The following PEX5L variants were observed in gnomAD, a reference collection of about 807,000 sequenced individuals.
PEX5L encodes PEX5-related protein.
PEX5L carries 30 observed loss-of-function variants against 84.0 expected under a neutral mutation model. That is an observed-to-expected ratio of 0.36 (90% confidence interval 0.27 to 0.48). PEX5L has a LOEUF of 0.48. PEX5L is among the 20% of genes least tolerant of loss of function. PEX5L has a pLI of 0.99. For missense variants in PEX5L, 533 were observed against 754.6 expected, an observed-to-expected ratio of 0.71 and a Z score of 3.44; for synonymous variants, 270 against 283.1, an observed-to-expected ratio of 0.95 and a Z score of 0.46.
intron 5 of PEX5L, among the ~76,000 whole-genome samples, chr3:179,878,210 C>G (rs554174733): frequency 6.6e-6 from 1 of 152,320 alleles, no homozygotes; most frequent in South Asian, 2.1e-4. Flanking sequence ...TTGGCATGTT[C>G]TACATGTCCC....
At chr3:179,859,704 C>T (rs1019356098) in intron 7 of PEX5L, among the ~76,000 whole-genome samples, 10 of 152,198 alleles carry the variant, frequency 6.6e-5, no homozygotes, top group African/African-American at 1.9e-4. Flanking sequence ...TGTCTTATGT[C>T]TCATTTCTTA....
At chr3:179,995,171 A>C (rs546506177) in intron 1 of PEX5L, among the ~76,000 whole-genome samples, 47 of 147,834 alleles carry the variant, frequency 3.2e-4, no homozygotes, top group African/African-American at 1.1e-3. Context: ...TATACTATAT[A>C]TGTATATACA....
At chr3:179,999,525 T>TA (rs1279772665) in intron 1 of PEX5L, among the ~76,000 whole-genome samples, 5 of 152,292 alleles carry the variant, frequency 3.3e-5, no homozygotes, top group Non-Finnish European at 7.4e-5. Flanking sequence ...GAGCTCTCAA[T>TA]ATGGCACCAT....
intron 2 of PEX5L, among the ~76,000 whole-genome samples, chr3:179,902,256 T>C (rs1450979047): frequency 3.3e-5 from 5 of 152,178 alleles, no homozygotes; most frequent in African/African-American, 1.2e-4. Flanking sequence ...AGACCTGTTT[T>C]CCAGGCTTTT....
At chr3:179,861,238 C>A (rs888603474) in intron 7 of PEX5L, among the ~76,000 whole-genome samples, 2 of 152,144 alleles carry the variant, frequency 1.3e-5, no homozygotes, top group Non-Finnish European at 2.9e-5. Flanking sequence ...TGAATAGATG[C>A]GTGAATGAAT....
At chr3:179,924,221 C>T (rs138865587) in intron 2 of PEX5L, among the ~76,000 whole-genome samples, 1 of 152,216 alleles carries the variant, frequency 6.6e-6, no homozygotes, top group African/African-American at 2.4e-5. Flanking sequence ...TCAGCTGATA[C>T]CTGTCTCCTT....
At chr3:179,991,318 A>G (rs1463022265) in intron 1 of PEX5L, among the ~76,000 whole-genome samples, 3 of 152,212 alleles carry the variant, frequency 2.0e-5, no homozygotes, top group African/African-American at 4.8e-5. Flanking sequence ...TTTTACAAGC[A>G]TAGTCGCAAG....
intron 2 of PEX5L, among the ~76,000 whole-genome samples, chr3:179,927,280 T>C (rs116022367): frequency 2.0e-5 from 3 of 152,054 alleles, no homozygotes; most frequent in Non-Finnish European, 4.4e-5. Context: ...TGACTAAGTG[T>C]AGGCTCTCAG....
intron 2 of PEX5L, among the ~76,000 whole-genome samples, chr3:179,948,690 C>T (rs1212646552): frequency 6.6e-6 from 1 of 152,144 alleles, no homozygotes; most frequent in Non-Finnish European, 1.5e-5. Flanking sequence ...TTCACTTCTA[C>T]CCAATCCCCA....
At chr3:179,935,695 C>T (rs1051408374) in intron 2 of PEX5L, among the ~76,000 whole-genome samples, 2 of 152,070 alleles carry the variant, frequency 1.3e-5, no homozygotes, top group East Asian at 1.9e-4. Context: ...CCAAAACTCA[C>T]GTTGGAACCT....
chr3:179,801,625 CTT>C lies in PEX5L; in HGVS notation c.*201_*202del, dbSNP rs1718874831. On this transcript the variant is annotated 3_prime_UTR_variant, in exon 15 of 15. Transcript: ENST00000467460. ...CTCTTAATTCTTCTTTTGAGCCTGA[CTT>C]TGACTCTATATACAACATTTTGTGC... The C allele has an allele frequency of 3.6e-6, 2 of 553,068 alleles. No homozygotes were observed. Among genetic ancestry groups the C allele is most frequent in the Middle Eastern group, 4.7e-4 (1 of 2,134 alleles). 34.3% of individuals were successfully genotyped at this position (553,068 alleles called of 1,614,324 possible).
intron 2 of PEX5L, among the ~76,000 whole-genome samples, chr3:179,921,011 C>T (rs954318239): frequency 6.6e-6 from 1 of 152,058 alleles, no homozygotes; most frequent in East Asian, 1.9e-4. Flanking sequence ...GGACACTGAA[C>T]CCTAATCAAT....
At chr3:179,811,968 G>A (rs1724063149) in intron 10 of PEX5L, 97 bp from the exon 11 acceptor site, 1 of 911,788 alleles carries the variant, frequency 1.1e-6, no homozygotes, top group East Asian at 2.4e-5. Context: ...CCTATGCAGA[G>A]CAAGCTGTCT....
At chr3:180,027,851 GA>G (rs1301019048) in intron 1 of PEX5L, among the ~76,000 whole-genome samples, 1 of 151,964 alleles carries the variant, frequency 6.6e-6, no homozygotes, top group Non-Finnish European at 1.5e-5. Flanking sequence ...TGATATTTTG[GA>G]AAAACACAAT....
intron 9 of PEX5L, among the ~76,000 whole-genome samples, chr3:179,817,410 A>T (rs775183411): frequency 1.3e-5 from 2 of 152,184 alleles, no homozygotes; most frequent in Non-Finnish European, 2.9e-5. Flanking sequence ...TCCCCTATTG[A>T]TGAACATTCA....
In PEX5L at chr3:179,808,436, A is replaced by T; in HGVS notation, c.1354T>A (p.Ser452Thr). The T allele has an allele frequency of 6.8e-7, 1 of 1,464,374 alleles. No homozygotes were observed. Among genetic ancestry groups the T allele is most frequent in the Non-Finnish European group, 9.1e-7 (1 of 1,104,288 alleles). The allele number at this position is 1,464,374 out of a possible 1,614,324, so 90.7% of individuals were successfully genotyped here. A position where few individuals can be genotyped will look rare whatever the true frequency, so the allele number is the denominator to read the frequency against. Residue 452 changes from serine (S) to threonine (T), a missense_variant and splice_region_variant, in exon 13 of 15, where the codon TCT (serine) becomes ACT (threonine). Transcript: ENST00000467460. The stretch of plus-strand genomic sequence containing the variant: ...AATTCCTTCACCCCTTCCAGAACAG[A>T]GCTACAAGAGAAAAAAAAAATTAGA... ...RRMSKSPVDS[S>T]VLEGVKELYL...
intron 14 of PEX5L, among the ~76,000 whole-genome samples, chr3:179,804,656 C>G (rs1720486580): frequency 6.6e-6 from 1 of 152,212 alleles, no homozygotes; most frequent in African/African-American, 2.4e-5. Flanking sequence ...GCTACATACA[C>G]CGACACCTGC....
At chr3:179,887,906 A>G (rs1756408034) in intron 3 of PEX5L, 122 bp from the exon 4 acceptor site, 3 of 716,500 alleles carry the variant, frequency 4.2e-6, no homozygotes, top group Non-Finnish European at 7.1e-6. Flanking sequence ...AAATACATAA[A>G]TAAATAATGG....
At chr3:179,921,784 C>G (rs889882110) in intron 2 of PEX5L, 4 of 152,188 alleles carry the variant, frequency 2.6e-5, no homozygotes, top group Admixed American at 6.5e-5. Flanking sequence ...TGCATTCATG[C>G]GCATCCCCTA....
Sources: allele counts gnomAD v4.1 joint callset (sites outside exome capture counted in the v4.1 genomes callset), GRCh38; gene constraint gnomAD v4.1.1; transcripts MANE v1.5; gene names NCBI Gene and HGNC (gene_info 2026-07-23, HGNC 2026-07-21).